USP9X: variants seen among roughly 807,000 people sequenced by gnomAD.
USP9X encodes the protein ubiquitin specific peptidase 9 X-linked.
In USP9X, 7 loss-of-function variants were observed where a neutral mutation model predicts 190.3. The ratio of observed to expected loss-of-function variants is 0.04; its 90% CI spans 0.02 to 0.07. USP9X has a LOEUF of 0.07. Among genes scored for constraint, USP9X ranks in the 10% least tolerant of loss-of-function variants. The pLI, the probability that USP9X is intolerant of heterozygous loss-of-function variation, is 1.00. For missense variants in USP9X, 1,010 were observed against 1,916.9 expected (o/e 0.53, Z 8.83); for synonymous variants, 645 against 659.5 (o/e 0.98, Z 0.34).
At chrX:41,208,747 G>A (rs1158696478) in intron 32 of USP9X, among the ~76,000 whole-genome samples, 3 of 108,997 alleles carry the variant, frequency 2.8e-5, no homozygotes, top group Non-Finnish European at 3.8e-5. Flanking sequence ...TCGCTCTGTC[G>A]CCCAGGCTGG....
intron 43 of USP9X, chrX:41,230,007 C>A: frequency 2.1e-6 from 1 of 485,730 alleles, no homozygotes; most frequent in Non-Finnish European, 3.2e-6. Context: ...TCAAGACCAG[C>A]CTGGCCAACA....
At chrX:41,128,737 T>A (rs1296182529) in intron 2 of USP9X, among the ~76,000 whole-genome samples, 2 of 111,577 alleles carry the variant, frequency 1.8e-5, no homozygotes, top group Non-Finnish European at 3.8e-5. Flanking sequence ...ACAGTGTAGA[T>A]GCTATATAAA....
At chrX:41,140,601 G>A (rs1329436408) in intron 6 of USP9X, 55 bp from the exon 7 acceptor site, 10 of 875,577 alleles carry the variant, frequency 1.1e-5, no homozygotes, top group South Asian at 4.7e-5. Flanking sequence ...CTTTTTTTTC[G>A]TGCTTTTTAC....
At chrX:41,172,589 AG>A (rs771083038) in intron 21 of USP9X, among the ~76,000 whole-genome samples, 2 of 112,039 alleles carry the variant, frequency 1.8e-5, no homozygotes, top group Non-Finnish European at 3.8e-5. Flanking sequence ...ACATCCTCCC[AG>A]TATTTGCTTA....
intron 34 of USP9X, 91 bp downstream of exon 34, chrX:41,214,800 AT>A: frequency 1.1e-6 from 1 of 934,776 alleles, no homozygotes; most frequent in Non-Finnish European, 1.5e-6. Flanking sequence ...AAGTCACCCT[AT>A]TTTTATTTTC....
chrX:41,167,155 C>G (rs2062685157), intron 16 of USP9X: 1 of 180,832 alleles, frequency 5.5e-6, no homozygotes, highest in South Asian at 8.6e-5. Flanking sequence ...CTCTTATTTC[C>G]TGTCAACTAA....
chrX:41,204,931 A>G (rs5963931), intron 31 of USP9X: 50,253 of 119,703 alleles, frequency 0.42, 7,899 homozygotes, highest in East Asian at 0.51. Flanking sequence ...CAGCTACACA[A>G]AGGATATATT....
rs185694097 is a variant in USP9X, at chrX:41,148,116, A to T, written c.1420-253A>T. The stretch of plus-strand genomic sequence containing the variant: ...ATTACAATACCATTTTAGAGGTTTT[A>T]AAAAAATGTATTTTAGAGTTTTTAA... On this transcript the variant is annotated intron_variant, in intron 11 of 44. Coordinates refer to ENST00000378308, the MANE Select transcript of USP9X (RefSeq NM_001039591.3). 5.4e-5 allele frequency among the ~76,000 whole-genome samples: 6 copies of T among 111,964 alleles called. No individual in the cohort carries two copies. In the Admixed American group the frequency reaches 5.7e-4, roughly 11 times the overall value.
At chrX:41,172,085 C>CAA (rs2062731735) in intron 21 of USP9X, 127 bp downstream of exon 21, 1 of 678,550 alleles carries the variant, frequency 1.5e-6, no homozygotes, top group African/African-American at 2.2e-5. Flanking sequence ...TGACAGCCCA[C>CAA]AAGCCACATC....
Position 41,218,551 on chromosome X carries a change from A to T in USP9X, c.6389A>T (p.Asp2130Val). 1 of 1,211,650 alleles carries T rather than the reference A, an allele frequency of 8.3e-7. No homozygotes were observed. The highest frequency in any genetic ancestry group is 1.1e-6 in the Non-Finnish European group (1 of 895,542). ...IVFIAHFSLQ[D>V]GPCPSPFASP... ...TTTATTGCACATTTTTCCTTGCAAG[A>T]TGGGCCATGTCCTTCACCTTTTGCC... The change falls in exon 37 of 45, where the codon GAT (aspartate) becomes GTT (valine). Residue 2130 changes from aspartate (D) to valine (V), a missense_variant. Asp to Val is a radical substitution (Grantham distance 152). Around this residue, in one of 11 missense-constraint regions of USP9X, gnomAD observed 121 missense variants for 281.2 expected, o/e 0.43. Transcript: ENST00000378308.
At chrX:41,093,253 GGA>G (rs2061966677) in intron 1 of USP9X, among the ~76,000 whole-genome samples, 1 of 112,166 alleles carries the variant, frequency 8.9e-6, no homozygotes, top group African/African-American at 3.2e-5. Context: ...CTGATGAAAG[GGA>G]TTTCTTTTTA....
At position 41,143,524 on chromosome X, in the gene USP9X, A is replaced by G; in HGVS notation, c.1314+81A>G. On this transcript the variant is annotated intron_variant, in intron 10 of 44. Transcript: ENST00000378308. ...GAAGAAATACAGTAGCTGTCATGAA[A>G]TGGATGCAGGCTTGTATTGTTTGAC... 3.3e-6 allele frequency: 3 copies of G among 910,681 alleles called. No homozygotes were observed. In the Admixed American group the frequency reaches 9.6e-5, roughly 29 times the overall value. The allele number at this position is 910,681 out of a possible 1,213,427, so 75.1% of individuals were successfully genotyped here. A position where few individuals can be genotyped will look rare whatever the true frequency, so the allele number is the denominator to read the frequency against.
intron 26 of USP9X, among the ~76,000 whole-genome samples, chrX:41,193,671 A>T (rs2284113): frequency 0.15 from 16,761 of 109,697 alleles, 1,159 homozygotes; most frequent in East Asian, 0.4. Flanking sequence ...CTCAAAAAAA[A>T]TTTTTTTTTA....
At chrX:41,219,471 C>T (rs1195230590) in intron 38 of USP9X, among the ~76,000 whole-genome samples, 1 of 107,150 alleles carries the variant, frequency 9.3e-6, no homozygotes, top group Admixed American at 1.0e-4. Flanking sequence ...TCTCCTAATG[C>T]AGTGGTGCCA....
rs753625255 is a variant in USP9X at position 41,226,299 on chromosome X, G to T, written c.7061+1162G>T. 1.2e-4 allele frequency among the ~76,000 whole-genome samples: 13 copies of T among 111,459 alleles called. 1 individual carries two copies. Among genetic ancestry groups the T allele is most frequent in the South Asian group, 3.7e-4 (1 of 2,704 alleles). On this transcript the variant is annotated intron_variant, in intron 41 of 44. Transcript: ENST00000378308. ...AGAATTTTTCTATTTGTTTTTGGGGGTTTTTTTGTAGTAAAAGTTGAATAT... is the reference window on the plus strand; with the variant it reads ...AGAATTTTTCTATTTGTTTTTGGGGTTTTTTTTGTAGTAAAAGTTGAATAT...
intron 38 of USP9X, among the ~76,000 whole-genome samples, chrX:41,221,119 G>A (rs2063259550): frequency 9.1e-6 from 1 of 109,820 alleles, no homozygotes; most frequent in Non-Finnish European, 1.9e-5. Context: ...AAAATTAGCC[G>A]GGCGTGGTGG....
chrX:41,158,895 A>G lies in USP9X; in HGVS notation c.1898-3895A>G, dbSNP rs1427330834. Among the ~76,000 whole-genome samples the G allele has an allele frequency of 2.5e-4, 28 of 112,175 alleles. No individual in the cohort carries two copies. The Admixed American group carries it at 2.6e-3, about 11-fold the overall frequency. On this transcript the variant is annotated intron_variant, in intron 14 of 44. Transcript: ENST00000378308. ...ATTTGTCCAATCCAGCCTCTTTTCA[A>G]TATAGAAAGGCTCAAACTAGGAATA...
At chrX:41,136,319 C>T (rs956884897) in intron 5 of USP9X, among the ~76,000 whole-genome samples, 1 of 111,394 alleles carries the variant, frequency 9.0e-6, no homozygotes, top group African/African-American at 3.3e-5. Context: ...TGCCAGCACA[C>T]GTGGCTAATT....
At chrX:41,114,947 G>A (rs1293423440) in intron 1 of USP9X, among the ~76,000 whole-genome samples, 4 of 110,531 alleles carry the variant, frequency 3.6e-5, no homozygotes, top group African/African-American at 1.3e-4. Context: ...TATGGGCCGG[G>A]CGCAGTGGCT....
Sources: gnomAD v4.1 joint callset for allele counts (sites outside exome capture counted in the v4.1 genomes callset) on GRCh38, gnomAD v4.1.1 for gene constraint, gnomAD v4.1.1 regional missense constraint, MANE v1.5 for transcripts, NCBI Gene and HGNC (gene_info 2026-07-23, HGNC 2026-07-21) for gene names.